The following CELF1 variants were observed in gnomAD, a reference collection of about 807,000 sequenced individuals.
CELF1 encodes the protein 50 kDa nuclear polyadenylated RNA-binding protein.
A neutral mutation model predicts 61.8 loss-of-function variants in CELF1; 10 were observed. The observed-to-expected ratio is 0.16, with a 90% CI of 0.10 to 0.27. CELF1 has a LOEUF of 0.27. Among genes scored for constraint, CELF1 ranks in the 10% least tolerant of loss-of-function variants. The pLI is 1.00. For synonymous variants in CELF1, 236 were observed against 225.1 expected (o/e 1.05, Z -0.43); for missense variants, 380 against 639.1 (o/e 0.59, Z 4.37).
At chr11:47,525,273 A>C (rs908099929) in intron 1 of CELF1, among the ~76,000 whole-genome samples, 1 of 152,242 alleles carries the variant, frequency 6.6e-6, no homozygotes, top group Admixed American at 6.5e-5. Context: ...ATGATGGCTT[A>C]TATAACCAGA....
At chr11:47,514,265 A>G (rs1331429995) in intron 1 of CELF1, among the ~76,000 whole-genome samples, 1 of 152,160 alleles carries the variant, frequency 6.6e-6, no homozygotes, top group African/African-American at 2.4e-5. Flanking sequence ...TATACTAAGT[A>G]TAATACTGCA....
Position 47,541,718 on chromosome 11 carries a change from GAA to G in CELF1, c.-154+11272_-154+11273del, listed in dbSNP as rs1311898952. Reference sequence around the variant, plus strand: ...AGAAAGAAAGAAAGAAAGAAAGAAAGAAAGAAAGAACGAAAGAAAGAACGAAA... The same window carrying G: ...AGAAAGAAAGAAAGAAAGAAAGAAAGAGAAAGAACGAAAGAAAGAACGAAA... On this transcript the variant is annotated intron_variant, in intron 1 of 14. Coordinates refer to ENST00000687097, the MANE Select transcript of CELF1 (RefSeq NM_001376376.1). Among the ~76,000 whole-genome samples the G allele has an allele frequency of 4.5e-4, 3 of 6,664 alleles. 1 individual carries two copies. The highest frequency in any genetic ancestry group is 1.2e-3 in the Non-Finnish European group (3 of 2,450). The allele number at this position is 6,664 out of a possible 152,430, so 4.4% of individuals were successfully genotyped here. A position where few individuals can be genotyped will look rare whatever the true frequency, so the allele number is the denominator to read the frequency against.
intron 9 of CELF1, among the ~76,000 whole-genome samples, chr11:47,479,295 G>A (rs1018115196): frequency 6.6e-5 from 10 of 152,308 alleles, no homozygotes; most frequent in African/African-American, 2.2e-4. Flanking sequence ...TATTGTCTGC[G>A]AATGAATGAA....
chr11:47,484,024 T>C (rs2085064427), intron 7 of CELF1, among the ~76,000 whole-genome samples: 1 of 152,126 alleles, frequency 6.6e-6, no homozygotes, highest in Non-Finnish European at 1.5e-5. Flanking sequence ...GTTGCTAGTT[T>C]CCACCGGTCA....
At chr11:47,486,611 T>C (rs998893284) in intron 6 of CELF1, 139 bp downstream of exon 6, 2 of 688,366 alleles carry the variant, frequency 2.9e-6, no homozygotes, top group African/African-American at 1.8e-5. Context: ...GGTTTCACCA[T>C]GTTGGCCAGA....
rs564357746 is a variant in CELF1, at chr11:47,552,985, C to T, written c.-154+7G>A. ...GCGGCCCGTTATCCTGCGGCCGCAGCACTCACCAGCGGCTGCACCTGAGCC... is the reference window on the plus strand; with the variant it reads ...GCGGCCCGTTATCCTGCGGCCGCAGTACTCACCAGCGGCTGCACCTGAGCC... On this transcript the variant is annotated splice_region_variant and intron_variant, in intron 1 of 14. Transcript: ENST00000687097. 1.0e-5 allele frequency: 4 copies of T among 398,174 alleles called. No individual in the cohort carries two copies. Among genetic ancestry groups the T allele is most frequent in the Middle Eastern group, 6.3e-4 (1 of 1,588 alleles). 24.7% of individuals were successfully genotyped at this position (398,174 alleles called of 1,614,324 possible).
intron 1 of CELF1, among the ~76,000 whole-genome samples, chr11:47,509,877 A>G (rs2094925090): frequency 7.4e-6 from 1 of 135,032 alleles, no homozygotes; most frequent in African/African-American, 2.8e-5. Context: ...AAACACAAAA[A>G]TTAGCTGGGT....
intron 8 of CELF1, 40 bp from the exon 9 acceptor site, chr11:47,482,896 C>T: frequency 6.3e-7 from 1 of 1,576,730 alleles, no homozygotes; most frequent in African/African-American, 1.4e-5. Context: ...ATTCCTCCAT[C>T]TGAAAAGAAG....
intron 13 of CELF1, among the ~76,000 whole-genome samples, chr11:47,474,336 C>T (rs904674024): frequency 6.6e-6 from 1 of 152,150 alleles, no homozygotes; most frequent in African/African-American, 2.4e-5. Context: ...TTTCCTATGC[C>T]CCTGTTACTC....
chr11:47,477,662 T>C (rs2080873352), intron 10 of CELF1: 1 of 422,404 alleles, frequency 2.4e-6, no homozygotes, highest in Non-Finnish European at 4.4e-6. Flanking sequence ...ATGCCAAGTG[T>C]ACATTAATAA....
upstream of CELF1, among the ~76,000 whole-genome samples, chr11:47,555,530 G>C (rs2097203331): frequency 6.6e-6 from 1 of 152,074 alleles, no homozygotes; most frequent in African/African-American, 2.4e-5. Context: ...CCCAAGGTTG[G>C]GGGGAAGAAC....
At chr11:47,517,259 A>AG (rs1443921328) in intron 1 of CELF1, among the ~76,000 whole-genome samples, 8 of 119,054 alleles carry the variant, frequency 6.7e-5, no homozygotes, top group East Asian at 3.5e-4. Flanking sequence ...AAACAAACAG[A>AG]GAAAAAAAAA....
intron 1 of CELF1, among the ~76,000 whole-genome samples, chr11:47,516,197 AAAAAAT>A (rs1418707396): frequency 2.0e-5 from 3 of 152,124 alleles, no homozygotes; most frequent in Non-Finnish European, 2.9e-5. Context: ...GTCTCAAAAT[AAAAAAT>A]AAAAATAAAA....
At chr11:47,507,847 A>T (rs2094639250) in intron 1 of CELF1, among the ~76,000 whole-genome samples, 1 of 152,182 alleles carries the variant, frequency 6.6e-6, no homozygotes, top group South Asian at 2.1e-4. Context: ...ATTAGTTTCC[A>T]ATTTTGCTAA....
intron 1 of CELF1, among the ~76,000 whole-genome samples, chr11:47,518,803 T>C (rs2095695943): frequency 6.6e-6 from 1 of 152,154 alleles, no homozygotes; most frequent in Non-Finnish European, 1.5e-5. Flanking sequence ...AGTCTTTCCT[T>C]AGCACTAGCC....
At chr11:47,500,434 C>T (rs1242530191) in intron 2 of CELF1, among the ~76,000 whole-genome samples, 1 of 152,192 alleles carries the variant, frequency 6.6e-6, no homozygotes, top group Non-Finnish European at 1.5e-5. Context: ...TATTCTGCTT[C>T]TTACTAGCAT....
rs1210736129 is a variant in CELF1, at chr11:47,471,415, AAACT to A, written c.*811_*814del. On this transcript the variant is annotated 3_prime_UTR_variant, in exon 15 of 15. Coordinates refer to ENST00000687097, the MANE Select transcript of CELF1 (RefSeq NM_001376376.1). ...CCATGGTCTAATTTGGTGTTGAAAT[AAACT>A]AACCTCTTTGGCTGTTTCTCCCAAA... The A allele has an allele frequency of 2.0e-5, 3 of 152,198 alleles. No individual in the cohort carries two copies. Among genetic ancestry groups the A allele is most frequent in the African/African-American group, 7.2e-5 (3 of 41,452 alleles). The allele number at this position is 152,198 out of a possible 1,614,324, so 9.4% of individuals were successfully genotyped here. A position where few individuals can be genotyped will look rare whatever the true frequency, so the allele number is the denominator to read the frequency against.
chr11:47,562,192 C>G (rs2097227749), intron 2 of CELF1, among the ~76,000 whole-genome samples: 1 of 145,520 alleles, frequency 6.9e-6, no homozygotes, highest in Admixed American at 7.0e-5. Flanking sequence ...TGCCATTGCA[C>G]TCCAGCCTGG....
At chr11:47,518,828 A>ATCTCCAAAATCCT (rs1224114420) in intron 1 of CELF1, among the ~76,000 whole-genome samples, 2 of 152,030 alleles carry the variant, frequency 1.3e-5, no homozygotes, top group African/African-American at 2.4e-5. Context: ...AACTTCTATC[A>ATCTCCAAAATCCT]TCTCCAAAAT....
Sources: gnomAD v4.1 joint callset for allele counts (sites outside exome capture counted in the v4.1 genomes callset) on GRCh38, gnomAD v4.1.1 for gene constraint, MANE v1.5 for transcripts, NCBI Gene and HGNC (gene_info 2026-07-23, HGNC 2026-07-21) for gene names.